The following PDE4A variants were observed in gnomAD, a reference collection of about 807,000 sequenced individuals.
PDE4A encodes the protein phosphodiesterase 4A.
A neutral mutation model predicts 73.9 loss-of-function variants in PDE4A; 21 were observed. That is an observed-to-expected ratio of 0.28 (90% CI 0.20 to 0.41). PDE4A has a LOEUF of 0.41. Ranked by LOEUF, PDE4A falls within the 10% of genes least tolerant of loss-of-function variation. PDE4A has a pLI of 1.00. For synonymous variants in PDE4A, 463 were observed against 505.4 expected, an observed-to-expected ratio of 0.92 and a Z score of 1.13; for missense variants, 958 against 1,211.4, an observed-to-expected ratio of 0.79 and a Z score of 3.10.
chr19:10,428,954 A>C, intron 1 of PDE4A: 1 of 917,724 alleles, frequency 1.1e-6, no homozygotes, highest in Non-Finnish European at 1.3e-6. Context: ...ATACAAGAAA[A>C]ATTTGCCAGG....
chr19:10,425,120 A>G (rs1339024417), intron 1 of PDE4A, among the ~76,000 whole-genome samples: 3 of 151,924 alleles, frequency 2.0e-5, no homozygotes, highest in Non-Finnish European at 4.4e-5. Flanking sequence ...GCTACTCGGG[A>G]GGCTGAGGCA....
intron 10 of PDE4A, 92 bp from the exon 11 acceptor site, chr19:10,460,912 T>C (rs777881645): frequency 2.4e-5 from 33 of 1,387,016 alleles, no homozygotes; most frequent in Non-Finnish European, 2.9e-5. Flanking sequence ...GATCCTCCCA[T>C]CTCAGCCTCC....
upstream of PDE4A, chr19:10,420,533 G>C: frequency 2.6e-6 from 3 of 1,132,544 alleles, no homozygotes; most frequent in African/African-American, 4.9e-5. The surrounding 1 kb of genome is among the most constrained non-coding windows in gnomAD (Gnocchi z 6.0). Flanking sequence ...AGCGCGGAGC[G>C]CGGAGAGCGC....
chr19:10,431,875 C>T (rs1479791293), intron 1 of PDE4A, among the ~76,000 whole-genome samples: 1 of 151,896 alleles, frequency 6.6e-6, no homozygotes, highest in Non-Finnish European at 1.5e-5. Context: ...CTCTCCGGGT[C>T]TCTCTCTCTG....
chr19:10,450,977 A>T, intron 6 of PDE4A, 36 bp downstream of exon 6: 726 of 1,257,782 alleles, frequency 5.8e-4, no homozygotes, highest in Non-Finnish European at 7.4e-4. Context: ...TGGGCGGGGC[A>T]GGCGGGGGCG....
At chr19:10,429,925 CAGGGATTAAGGGACATCTG>C (rs1286700763) in intron 1 of PDE4A, among the ~76,000 whole-genome samples, 1 of 151,948 alleles carries the variant, frequency 6.6e-6, no homozygotes, top group East Asian at 1.9e-4. Flanking sequence ...TAGAACCATT[CAGGGATTAAGGGACATCTG>C]AGGGACTGTG....
In PDE4A at chr19:10,463,994, G is replaced by A; in HGVS notation, c.1926+19G>A. ...GTCTCAGGTACAGGCTCGGGGCATTGATGGACGGGCACAGGGTGAGTCTCC... is the reference window on the plus strand; with the variant it reads ...GTCTCAGGTACAGGCTCGGGGCATTAATGGACGGGCACAGGGTGAGTCTCC... On this transcript the variant is annotated intron_variant, in intron 14 of 14. Coordinates refer to ENST00000380702, the MANE Select transcript of PDE4A (RefSeq NM_001111307.2). The A allele has an allele frequency of 6.2e-7, 1 of 1,613,866 alleles. No homozygotes were observed. The highest frequency in any genetic ancestry group is 1.3e-5 in the African/African-American group (1 of 75,052).
intron 1 of PDE4A, among the ~76,000 whole-genome samples, chr19:10,439,181 T>A (rs534663001): frequency 6.6e-6 from 1 of 152,124 alleles, no homozygotes; most frequent in Admixed American, 6.6e-5. Context: ...GGTTTTTTGT[T>A]TGTTTGTTTG....
At chr19:10,445,639 A>G (rs1044755467) in intron 1 of PDE4A, among the ~76,000 whole-genome samples, 1 of 151,668 alleles carries the variant, frequency 6.6e-6, no homozygotes, top group Admixed American at 6.6e-5. Context: ...GCGGTGGTGC[A>G]TGTCTGTAAT....
intron 2 of PDE4A, 141 bp from the exon 3 acceptor site, chr19:10,448,776 T>C (rs1292049650): frequency 1.3e-6 from 2 of 1,481,804 alleles, no homozygotes; most frequent in Non-Finnish European, 1.8e-6. Context: ...TCCACCCTTA[T>C]GCAGTACAAG....
At chr19:10,465,934 C>G (rs1238831650) in intron 14 of PDE4A, among the ~76,000 whole-genome samples, 1 of 149,446 alleles carries the variant, frequency 6.7e-6, no homozygotes, top group Admixed American at 6.7e-5. Context: ...CTCCAGACAT[C>G]AGGTGATCCA....
rs187094286 is a variant in PDE4A at position 10,437,420 on chromosome 19, C to T, written c.321-8798C>T. 1.1e-3 allele frequency among the ~76,000 whole-genome samples: 173 copies of T among 151,440 alleles called. 1 individual carries two copies. Among genetic ancestry groups the T allele is most frequent in the African/African-American group, 4.1e-3 (172 of 41,488 alleles). On this transcript the variant is annotated intron_variant, in intron 1 of 14. Transcript: ENST00000380702. ...TACAGGCGTAAGCCACCGTGCCCGG[C>T]CTTTTTCTTTTTTTTTTGAGATAGG... is the stretch of plus-strand genomic sequence containing the variant.
At chr19:10,445,233 G>C (rs1476105245) in intron 1 of PDE4A, among the ~76,000 whole-genome samples, 1 of 152,204 alleles carries the variant, frequency 6.6e-6, no homozygotes, top group East Asian at 1.9e-4. Flanking sequence ...GGGCAGAGGT[G>C]AATGCAACCA....
rs528461656 is a variant in PDE4A at position 10,430,074 on chromosome 19, A to G, written c.320+8990A>G. Among the ~76,000 whole-genome samples the G allele has an allele frequency of 1.6e-4, 24 of 151,904 alleles. 1 individual carries two copies. The South Asian group carries it at 5.0e-3, about 32-fold the overall frequency. ...GGTACTGAGGGAGGGTCTATGCATG[A>G]TGGGATGATGAGAGTTGGGGATGAT... On this transcript the variant is annotated intron_variant, in intron 1 of 14. Coordinates refer to ENST00000380702, the MANE Select transcript of PDE4A (RefSeq NM_001111307.2).
At chr19:10,459,899 G>C (rs1352751384) in intron 10 of PDE4A, 140 bp downstream of exon 10, 5 of 1,079,044 alleles carry the variant, frequency 4.6e-6, no homozygotes, top group Non-Finnish European at 6.4e-6. Context: ...TTTTCTTTTT[G>C]AGACGGAGTC....
rs1827403708 is a variant in PDE4A at position 10,449,120 on chromosome 19, T to C, written c.590T>C (p.Leu197Pro). The change falls in exon 4 of 15, where the codon CTC becomes CCC. Residue 197 changes from leucine to proline, a missense_variant. Transcript: ENST00000380702. ...SLRSVRSNFS[L>P]LTNVPVPSNK... ...CGGAGCGTCCGTAGCAACTTCTCACTCCTGACCAATGTGCCCGTTCCCAGT... is the reference window on the plus strand; with the variant it reads ...CGGAGCGTCCGTAGCAACTTCTCACCCCTGACCAATGTGCCCGTTCCCAGT... The C allele has an allele frequency of 6.2e-7, 1 of 1,613,562 alleles. No individual in the cohort carries two copies. Among genetic ancestry groups the C allele is most frequent in the African/African-American group, 1.3e-5 (1 of 74,886 alleles).
chr19:10,462,393 C>T (rs968016217), intron 13 of PDE4A, among the ~76,000 whole-genome samples: 2 of 138,914 alleles, frequency 1.4e-5, no homozygotes, highest in Non-Finnish European at 3.1e-5. Context: ...CTCAGGTGAT[C>T]CCCCCCCGCC....
At chr19:10,432,971 C>T (rs1042249358) in intron 1 of PDE4A, among the ~76,000 whole-genome samples, 1 of 152,210 alleles carries the variant, frequency 6.6e-6, no homozygotes, top group Non-Finnish European at 1.5e-5. Flanking sequence ...TCCCCACCCC[C>T]TCTCATGCTG....
chr19:10,433,183 A>G (rs1488813739), intron 1 of PDE4A, among the ~76,000 whole-genome samples: 2 of 151,910 alleles, frequency 1.3e-5, no homozygotes. Flanking sequence ...GGCCGCACAC[A>G]GGGCAATCCG....
Sources: allele counts gnomAD v4.1 joint callset (sites outside exome capture counted in the v4.1 genomes callset), GRCh38; gene constraint gnomAD v4.1.1; non-coding constraint Gnocchi (gnomAD v3.1); transcripts MANE v1.5; gene names NCBI Gene and HGNC (gene_info 2026-07-23, HGNC 2026-07-21).